ADGRL3: variants seen among roughly 807,000 people sequenced by gnomAD.
ADGRL3 encodes adhesion G protein-coupled receptor L3.
ADGRL3 carries 62 observed loss-of-function variants against 153.5 expected under a neutral mutation model. The observed-to-expected ratio is 0.40, with a 90% CI of 0.33 to 0.50. The LOEUF (loss-of-function observed/expected upper bound fraction) is 0.50. ADGRL3 is among the 20% of genes least tolerant of loss of function. The pLI is 0.47. For synonymous variants in ADGRL3, 710 were observed against 672.5 expected (o/e 1.06, Z -0.86); for missense variants, 1,641 against 1,859.4 (o/e 0.88, Z 2.16).
intron 2 of ADGRL3, among the ~76,000 whole-genome samples, chr4:61,407,736 T>G (rs894001726): frequency 2.0e-5 from 3 of 152,118 alleles, no homozygotes; most frequent in Non-Finnish European, 4.4e-5. Context: ...ATGTACATAC[T>G]TTACCATTAA....
chr4:61,504,081 C>T (rs931125953), intron 3 of ADGRL3, among the ~76,000 whole-genome samples: 2 of 152,158 alleles, frequency 1.3e-5, no homozygotes, highest in African/African-American at 4.8e-5. Flanking sequence ...TAACCTCAAC[C>T]TCCTGGGCTC....
At chr4:61,768,063 T>C (rs1371264270) in intron 8 of ADGRL3, among the ~76,000 whole-genome samples, 2 of 152,044 alleles carry the variant, frequency 1.3e-5, no homozygotes, top group Admixed American at 6.5e-5. Flanking sequence ...TCAGGGTTGC[T>C]GCCAAACGAG....
chr4:61,483,020 T>C (rs1346932511), intron 2 of ADGRL3, among the ~76,000 whole-genome samples: 1 of 152,198 alleles, frequency 6.6e-6, no homozygotes, highest in African/African-American at 2.4e-5. Flanking sequence ...TGAGGTGCTT[T>C]GAATAGCATA....
rs1173321592 is a variant in ADGRL3 at position 61,973,473 on chromosome 4, C to T, written c.2806-6090C>T. On this transcript the variant is annotated intron_variant, in intron 17 of 26. Coordinates refer to ENST00000683033, the MANE Select transcript of ADGRL3 (RefSeq NM_001387552.1). ...TCATGTAAGTTTTACAAATATTTTA[C>T]AAAATATTTGGCCTTTCAAATATAT... 3.3e-5 allele frequency among the ~76,000 whole-genome samples: 5 copies of T among 151,908 alleles called. No individual in the cohort carries two copies. In the South Asian group the frequency reaches 8.3e-4, roughly 25 times the overall value.
chr4:61,828,482 G>C (rs2097836080), intron 9 of ADGRL3, among the ~76,000 whole-genome samples: 1 of 152,136 alleles, frequency 6.6e-6, no homozygotes, highest in Admixed American at 6.5e-5. Context: ...GTTTTCCCCT[G>C]TTAATACAGA....
In ADGRL3 at chr4:61,793,545, A is replaced by T. The variant is rs575889133; in HGVS notation, c.1400-20264A>T. ...CTGGGTCCCTCCCACAGCATGTGGGAATTGTGAGAATTACAATTCAAGATG... is the reference window on the plus strand; with the variant it reads ...CTGGGTCCCTCCCACAGCATGTGGGTATTGTGAGAATTACAATTCAAGATG... On this transcript the variant is annotated intron_variant, in intron 8 of 26. Coordinates refer to ENST00000683033, the MANE Select transcript of ADGRL3 (RefSeq NM_001387552.1). Among the ~76,000 whole-genome samples the T allele has an allele frequency of 1.0e-3, 152 of 152,284 alleles. 2 individuals carry two copies. In the Middle Eastern group the frequency reaches 0.01, roughly 10 times the overall value.
At chr4:61,364,914 G>A (rs571878527) in intron 1 of ADGRL3, among the ~76,000 whole-genome samples, 3 of 152,098 alleles carry the variant, frequency 2.0e-5, no homozygotes, top group African/African-American at 4.8e-5. Flanking sequence ...TAATAGATAC[G>A]ATAAATAATA....
intron 1 of ADGRL3, among the ~76,000 whole-genome samples, chr4:61,307,694 A>G (rs1165035798): frequency 6.6e-6 from 1 of 152,204 alleles, no homozygotes; most frequent in Non-Finnish European, 1.5e-5. Context: ...GATGAAAAAG[A>G]TATGTTTTGC....
chr4:61,302,272 A>G (rs907516037), intron 1 of ADGRL3, among the ~76,000 whole-genome samples: 12 of 152,132 alleles, frequency 7.9e-5, no homozygotes, highest in African/African-American at 2.7e-4. Context: ...TGGGGGAACA[A>G]TAAGACGAGA....
chr4:61,971,134 ATTTT>A (rs932806321), intron 17 of ADGRL3, among the ~76,000 whole-genome samples: 1 of 151,558 alleles, frequency 6.6e-6, no homozygotes, highest in African/African-American at 2.4e-5. Flanking sequence ...AATTTTTTAA[ATTTT>A]TTTATTTATT....
chr4:62,052,441 G>T (rs1296234633), intron 25 of ADGRL3, among the ~76,000 whole-genome samples: 1 of 150,946 alleles, frequency 6.6e-6, no homozygotes, highest in Non-Finnish European at 1.5e-5. Context: ...TTTTAGAGTG[G>T]ATTCTTCCTA....
chr4:61,311,232 T>A (rs1403640952), intron 1 of ADGRL3, among the ~76,000 whole-genome samples: 3 of 152,198 alleles, frequency 2.0e-5, no homozygotes, highest in African/African-American at 4.8e-5. Context: ...ACAGATCATT[T>A]TCTTGGGTAT....
At chr4:61,297,985 G>T (rs2094466984) in intron 1 of ADGRL3, among the ~76,000 whole-genome samples, 1 of 151,844 alleles carries the variant, frequency 6.6e-6, no homozygotes, top group Admixed American at 6.6e-5. Context: ...TCACTCTAAG[G>T]CAATTATATA....
At position 61,613,389 on chromosome 4, in the gene ADGRL3, G is replaced by T. The variant is rs912008437; in HGVS notation, c.473+25949G>T. On this transcript the variant is annotated intron_variant, in intron 5 of 26. Coordinates refer to ENST00000683033, the MANE Select transcript of ADGRL3 (RefSeq NM_001387552.1). ...TTTAAGACATGGTCATGAAATTCTT[G>T]TATCCTGAATTTTTCACTGATGTTT... Among the ~76,000 whole-genome samples the T allele has an allele frequency of 7.9e-5, 12 of 152,084 alleles. 1 individual carries two copies. Among genetic ancestry groups the T allele is most frequent in the African/African-American group, 2.9e-4 (12 of 41,428 alleles).
At chr4:61,805,791 A>G (rs967469367) in intron 8 of ADGRL3, among the ~76,000 whole-genome samples, 2 of 152,196 alleles carry the variant, frequency 1.3e-5, no homozygotes, top group East Asian at 1.9e-4. Context: ...GCTACTTTAC[A>G]TAGGGATATT....
chr4:61,469,134 A>G (rs892031617), intron 2 of ADGRL3, among the ~76,000 whole-genome samples: 3 of 152,006 alleles, frequency 2.0e-5, no homozygotes, highest in Admixed American at 6.6e-5. Context: ...CTCAGTCCTC[A>G]GATCTTAGAA....
chr4:61,528,435 T>G (rs1313492675), intron 4 of ADGRL3, among the ~76,000 whole-genome samples: 3 of 152,126 alleles, frequency 2.0e-5, no homozygotes, highest in African/African-American at 7.2e-5. Flanking sequence ...ATATCTTTCA[T>G]CTTTACACCC....
intron 17 of ADGRL3, among the ~76,000 whole-genome samples, chr4:61,963,761 CT>C (rs2098996731): frequency 6.6e-6 from 1 of 152,162 alleles, no homozygotes; most frequent in African/African-American, 2.4e-5. Flanking sequence ...CTATGCACAG[CT>C]TGGATCCTCA....
intron 9 of ADGRL3, among the ~76,000 whole-genome samples, chr4:61,854,643 T>G (rs1456055597): frequency 1.3e-5 from 2 of 152,202 alleles, no homozygotes; most frequent in Non-Finnish European, 2.9e-5. Flanking sequence ...TACTTCTTCC[T>G]TAATGAGATG....
Sources: gnomAD v4.1 joint callset for allele counts (sites outside exome capture counted in the v4.1 genomes callset) on GRCh38, gnomAD v4.1.1 for gene constraint, MANE v1.5 for transcripts, NCBI Gene and HGNC (gene_info 2026-07-23, HGNC 2026-07-21) for gene names.